Variants in TPRG1 observed in about 807,000 individuals in gnomAD.
TPRG1 encodes tumor protein p63 regulated 1, also known as tumor protein p63-regulated gene 1 protein.
TPRG1 carries 29 observed loss-of-function variants against 29.3 expected under a neutral mutation model. That is an observed-to-expected ratio of 0.99 (90% confidence interval 0.74 to 1.35). TPRG1 has a LOEUF of 1.35. Among genes scored for constraint, TPRG1 ranks in the 40% most tolerant of loss-of-function variants. The pLI is 0.00. For missense variants in TPRG1, 327 were observed against 335.0 expected (o/e 0.98, Z 0.19); for synonymous variants, 130 against 116.8 (o/e 1.11, Z -0.73).
intron 3 of TPRG1, among the ~76,000 whole-genome samples, chr3:189,017,553 A>G (rs1401629781): frequency 1.3e-5 from 2 of 152,240 alleles, no homozygotes; most frequent in East Asian, 3.8e-4. Flanking sequence ...TACAAAGGAC[A>G]TGAACTCATC....
At chr3:189,163,726 G>A (rs1481935934) in intron 5 of TPRG1, among the ~76,000 whole-genome samples, 1 of 152,010 alleles carries the variant, frequency 6.6e-6, no homozygotes, top group Admixed American at 6.5e-5. Flanking sequence ...GCTTCTATGT[G>A]TGCCATTAGG....
At chr3:189,215,270 G>T (rs1436625361) in intron 2 of TPRG1, 22 bp from the exon 3 acceptor site, 2 of 1,597,348 alleles carry the variant, frequency 1.3e-6, no homozygotes, top group Admixed American at 1.8e-5. Flanking sequence ...TCTAAACTAG[G>T]TATTTTCTCC....
At chr3:189,095,478 TG>T (rs767942699), upstream of TPRG1, among the ~76,000 whole-genome samples, 5 of 152,208 alleles carry the variant, frequency 3.3e-5, no homozygotes, top group Non-Finnish European at 7.3e-5. Flanking sequence ...ACAGAGTCCC[TG>T]CCCTTCAAGG....
intron 3 of TPRG1, among the ~76,000 whole-genome samples, chr3:189,140,285 T>G (rs767524466): frequency 1.3e-5 from 2 of 152,170 alleles, no homozygotes; most frequent in Non-Finnish European, 2.9e-5. Context: ...CTGAAGTGGA[T>G]GGACTTAAGC....
chr3:189,070,638 TAAGA>T (rs1372194780), intron 4 of TPRG1, among the ~76,000 whole-genome samples: 1 of 152,228 alleles, frequency 6.6e-6, no homozygotes, highest in South Asian at 2.1e-4. Flanking sequence ...CAACGTATAG[TAAGA>T]AAGAGAGAGA....
chr3:189,319,650 C>T (rs991603771), intron 5 of TPRG1, among the ~76,000 whole-genome samples: 5 of 152,040 alleles, frequency 3.3e-5, no homozygotes, highest in Admixed American at 3.3e-4. Context: ...CTTCCTGCTT[C>T]CATTCTTAGC....
chr3:189,270,785 A>T (rs1714992123), intron 4 of TPRG1, among the ~76,000 whole-genome samples: 1 of 152,192 alleles, frequency 6.6e-6, no homozygotes, highest in Non-Finnish European at 1.5e-5. Context: ...GAGAAAGATT[A>T]ACAAACATCC....
At chr3:189,251,503 A>T (rs1457227987) in intron 4 of TPRG1, among the ~76,000 whole-genome samples, 2 of 152,150 alleles carry the variant, frequency 1.3e-5, no homozygotes, top group Non-Finnish European at 2.9e-5. Context: ...AGCGTTCAGC[A>T]TACGGAGGAT....
At chr3:189,313,707 A>G (rs1051647506) in intron 5 of TPRG1, among the ~76,000 whole-genome samples, 2 of 152,206 alleles carry the variant, frequency 1.3e-5, no homozygotes, top group African/African-American at 4.8e-5. Flanking sequence ...TGCAGGTATT[A>G]TGATTGTTGC....
intron 1 of TPRG1, among the ~76,000 whole-genome samples, chr3:189,191,839 T>C (rs1236977861): frequency 1.3e-5 from 2 of 152,226 alleles, no homozygotes; most frequent in African/African-American, 2.4e-5. Context: ...AGTTCCTTTA[T>C]ACCTAGATCC....
intron 5 of TPRG1, among the ~76,000 whole-genome samples, chr3:189,156,832 C>G (rs999014037): frequency 6.6e-6 from 1 of 152,126 alleles, no homozygotes; most frequent in Non-Finnish European, 1.5e-5. Flanking sequence ...GAGAAAATGT[C>G]TAGGAAATAA....
chr3:189,139,196 A>G (rs1050517809), intron 3 of TPRG1, among the ~76,000 whole-genome samples: 9 of 152,240 alleles, frequency 5.9e-5, no homozygotes, highest in African/African-American at 1.9e-4. Context: ...GGAAAAATGT[A>G]TGCTCAGAGA....
intron 4 of TPRG1, among the ~76,000 whole-genome samples, chr3:189,251,073 C>T (rs1742172672): frequency 6.6e-6 from 1 of 152,024 alleles, no homozygotes; most frequent in African/African-American, 2.4e-5. Context: ...CTTCTCTTCC[C>T]TCCCTCTTTC....
At chr3:189,020,081 C>T (rs1174911127) in intron 3 of TPRG1, among the ~76,000 whole-genome samples, 2 of 151,946 alleles carry the variant, frequency 1.3e-5, no homozygotes, top group Non-Finnish European at 2.9e-5. Flanking sequence ...TGGTGATACC[C>T]CTTTATCATT....
chr3:189,017,010 G>C (rs1425229255), intron 3 of TPRG1, among the ~76,000 whole-genome samples: 3 of 152,074 alleles, frequency 2.0e-5, no homozygotes, highest in African/African-American at 7.2e-5. Flanking sequence ...AGTGCTCCTG[G>C]ATGATATCCT....
At chr3:189,087,641 T>C (rs959168957) in intron 4 of TPRG1, among the ~76,000 whole-genome samples, 1 of 152,246 alleles carries the variant, frequency 6.6e-6, no homozygotes, top group Non-Finnish European at 1.5e-5. Flanking sequence ...TGGTTTTAAG[T>C]CTAACATTTA....
intron 5 of TPRG1, among the ~76,000 whole-genome samples, chr3:189,165,046 T>G (rs550012549): frequency 5.9e-4 from 90 of 152,310 alleles, no homozygotes; most frequent in Middle Eastern, 3.4e-3. Context: ...ATTTTTACCC[T>G]TATTACTGTT....
chr3:189,105,466 G>GCC (rs1173024042), intron 1 of TPRG1, among the ~76,000 whole-genome samples: 2 of 151,948 alleles, frequency 1.3e-5, no homozygotes, highest in Admixed American at 6.6e-5. Flanking sequence ...GGCACACTTT[G>GCC]CCCCCCTGCT....
chr3:189,026,727 T>A (rs1317554071), intron 4 of TPRG1, among the ~76,000 whole-genome samples: 4 of 152,064 alleles, frequency 2.6e-5, no homozygotes, highest in African/African-American at 9.7e-5. Context: ...ATCACTTGAT[T>A]TGGGAGGACA....
Sources: gnomAD v4.1 joint callset for allele counts (sites outside exome capture counted in the v4.1 genomes callset) on GRCh38, gnomAD v4.1.1 for gene constraint, MANE v1.5 for transcripts, NCBI Gene and HGNC (gene_info 2026-07-23, HGNC 2026-07-21) for gene names.